DSCAML1: variants seen among roughly 807,000 people sequenced by gnomAD.
DSCAML1 encodes the protein cell adhesion molecule DSCAML1.
In DSCAML1, 38 loss-of-function variants were observed where a neutral mutation model predicts 200.5. The observed-to-expected ratio is 0.19, with a 90% confidence interval of 0.15 to 0.25. The LOEUF (loss-of-function observed/expected upper bound fraction) is 0.25. DSCAML1 is among the 10% of genes least tolerant of loss of function. The pLI is 1.00. For missense variants in DSCAML1, 2,223 were observed against 2,858.8 expected (o/e 0.78, Z 5.07); for synonymous variants, 1,215 against 1,165.0 (o/e 1.04, Z -0.87).
At chr11:117,637,073 G>GC (rs2052303474) in intron 3 of DSCAML1, among the ~76,000 whole-genome samples, 1 of 152,058 alleles carries the variant, frequency 6.6e-6, no homozygotes, top group Non-Finnish European at 1.5e-5. Context: ...CTGAGCAGGA[G>GC]CCCCCTTTCC....
intron 3 of DSCAML1, among the ~76,000 whole-genome samples, chr11:117,652,908 T>C (rs1044640254): frequency 6.6e-6 from 1 of 152,168 alleles, no homozygotes; most frequent in Non-Finnish European, 1.5e-5. Flanking sequence ...ATTTTCTCAA[T>C]AGGGGATGGT....
intron 3 of DSCAML1, among the ~76,000 whole-genome samples, chr11:117,670,403 G>A (rs2053080263): frequency 6.6e-6 from 1 of 152,082 alleles, no homozygotes; most frequent in South Asian, 2.1e-4. Context: ...TACTTATTAT[G>A]TGCAAGGCAG....
intron 3 of DSCAML1, among the ~76,000 whole-genome samples, chr11:117,731,020 G>T (rs975697727): frequency 6.6e-6 from 1 of 152,204 alleles, no homozygotes; most frequent in South Asian, 2.1e-4. Flanking sequence ...GACTGTTAAT[G>T]GTTGTGGGGT....
intron 3 of DSCAML1, among the ~76,000 whole-genome samples, chr11:117,698,370 A>G (rs549197926): frequency 6.6e-6 from 1 of 152,336 alleles, no homozygotes; most frequent in African/African-American, 2.4e-5. Context: ...TAGCAGCTCC[A>G]CTAAAGGCCC....
chr11:117,562,685 TGAAC>T (rs1357951778), intron 3 of DSCAML1, among the ~76,000 whole-genome samples: 8 of 152,358 alleles, frequency 5.3e-5, no homozygotes, highest in African/African-American at 1.7e-4. Context: ...AACAAATGAA[TGAAC>T]GAATGAAGGT....
At chr11:117,760,135 A>G (rs571170687) in intron 3 of DSCAML1, among the ~76,000 whole-genome samples, 1 of 152,272 alleles carries the variant, frequency 6.6e-6, no homozygotes, top group South Asian at 2.1e-4. Flanking sequence ...CACCTCCACC[A>G]TCCTAGAACT....
At chr11:117,782,962 C>T (rs1202962610) in intron 1 of DSCAML1, among the ~76,000 whole-genome samples, 1 of 152,136 alleles carries the variant, frequency 6.6e-6, no homozygotes, top group Non-Finnish European at 1.5e-5. Flanking sequence ...TCTGGCCCTA[C>T]AGTCACTGTC....
intron 1 of DSCAML1, among the ~76,000 whole-genome samples, chr11:117,810,009 ACACT>A (rs2055746326): frequency 4.0e-5 from 6 of 151,746 alleles, no homozygotes; most frequent in African/African-American, 1.5e-4. Flanking sequence ...ACACATTCCC[ACACT>A]CACACATATT....
intron 7 of DSCAML1, among the ~76,000 whole-genome samples, chr11:117,517,705 C>T (rs1260725695): frequency 6.6e-6 from 1 of 152,230 alleles, no homozygotes; most frequent in Non-Finnish European, 1.5e-5. Context: ...TTCCTGCTGT[C>T]CCCCTGCTCC....
chr11:117,530,814 C>T (rs574154666), intron 4 of DSCAML1, among the ~76,000 whole-genome samples: 60 of 152,222 alleles, frequency 3.9e-4, no homozygotes, highest in Non-Finnish European at 7.4e-4. Context: ...AGACTGGTTC[C>T]TTTTCCAGAG....
In DSCAML1 at chr11:117,456,129, C is replaced by T. The variant is rs570453190; in HGVS notation, c.3568+2625G>A. Reference sequence around the variant, plus strand: ...GGTTTCTGGGAAAGTTACTTTGACTCCCAAGAGAGGCATGCCCGCAGGAAG... The same window carrying T: ...GGTTTCTGGGAAAGTTACTTTGACTTCCAAGAGAGGCATGCCCGCAGGAAG... On this transcript the variant is annotated intron_variant, in intron 19 of 32. Coordinates refer to ENST00000651296, the MANE Select transcript of DSCAML1 (RefSeq NM_020693.4). 2.6e-3 allele frequency among the ~76,000 whole-genome samples: 401 copies of T among 152,292 alleles called. 1 individual carries two copies. Among genetic ancestry groups the T allele is most frequent in the African/African-American group, 9.3e-3 (386 of 41,556 alleles).
At chr11:117,451,575 G>A (rs1369547579) in intron 19 of DSCAML1, among the ~76,000 whole-genome samples, 1 of 152,194 alleles carries the variant, frequency 6.6e-6, no homozygotes, top group Non-Finnish European at 1.5e-5. Context: ...TGTAATCCCA[G>A]CACTTTGGGA....
intron 3 of DSCAML1, among the ~76,000 whole-genome samples, chr11:117,606,736 T>A (rs1360131153): frequency 6.6e-6 from 1 of 152,170 alleles, no homozygotes. Context: ...GGGATCCCAA[T>A]TACCTCTGTT....
At chr11:117,683,612 T>C (rs1203409572) in intron 3 of DSCAML1, among the ~76,000 whole-genome samples, 9 of 152,182 alleles carry the variant, frequency 5.9e-5, no homozygotes, top group Admixed American at 2.0e-4. Context: ...GCTTCCAGGC[T>C]TTTTCCTGTA....
chr11:117,720,243 T>C (rs1241120649), intron 3 of DSCAML1, among the ~76,000 whole-genome samples: 1 of 152,166 alleles, frequency 6.6e-6, no homozygotes, highest in Non-Finnish European at 1.5e-5. Flanking sequence ...TTTTTACTTA[T>C]TGGTGCAAGG....
chr11:117,794,227 G>T (rs2055531326), intron 1 of DSCAML1, among the ~76,000 whole-genome samples: 1 of 152,130 alleles, frequency 6.6e-6, no homozygotes, highest in South Asian at 2.1e-4. Flanking sequence ...TTAGTGCCGG[G>T]GAAGCTTGTT....
At chr11:117,766,241 G>A (rs922968041) in intron 3 of DSCAML1, among the ~76,000 whole-genome samples, 1 of 152,190 alleles carries the variant, frequency 6.6e-6, no homozygotes. Flanking sequence ...TCACAGGCTT[G>A]GCAGGAAGTG....
intron 3 of DSCAML1, among the ~76,000 whole-genome samples, chr11:117,592,219 C>T (rs954609230): frequency 7.2e-5 from 11 of 152,296 alleles, no homozygotes; most frequent in African/African-American, 1.9e-4. Context: ...CCCCTCTGCT[C>T]ATCCTAGCCC....
chr11:117,482,083 C>G lies in DSCAML1; in HGVS notation c.2439G>C (p.Arg813=). 1 of 1,614,198 alleles carries G rather than the reference C, an allele frequency of 6.2e-7. No homozygotes were observed. The highest frequency in any genetic ancestry group is 8.5e-7 in the Non-Finnish European group (1 of 1,180,006). ...AGCGGATGATGATGGGCCGCTCACCCCGTGCCGTGCAGTTTAGCTCCTTCG... is the reference window on the plus strand; with the variant it reads ...AGCGGATGATGATGGGCCGCTCACCGCGTGCCGTGCAGTTTAGCTCCTTCG... ...GHAKELNCTA[R]GERPIIIRWE... is the part of the protein sequence containing the mutation. Residue 813 remains arginine, a synonymous_variant, in exon 12 of 33, where the codon CGG becomes CGC. Coordinates refer to ENST00000651296, the MANE Select transcript of DSCAML1 (RefSeq NM_020693.4).
Sources: gnomAD v4.1 joint callset for allele counts (sites outside exome capture counted in the v4.1 genomes callset) on GRCh38, gnomAD v4.1.1 for gene constraint, MANE v1.5 for transcripts, NCBI Gene and HGNC (gene_info 2026-07-23, HGNC 2026-07-21) for gene names.